The following DNAH9 variants were observed in gnomAD, a reference collection of about 807,000 sequenced individuals.
DNAH9 encodes the protein DNAH9 variant protein.
In DNAH9, 345 loss-of-function variants were observed where a neutral mutation model predicts 471.6. The ratio of observed to expected loss-of-function variants is 0.73; its 90% CI spans 0.67 to 0.80. The LOEUF (loss-of-function observed/expected upper bound fraction) is 0.80, where lower values mean the gene tolerates loss of function less well. Ranked by LOEUF, DNAH9 falls within the 30% of genes least tolerant of loss-of-function variation. The pLI, the probability that DNAH9 is intolerant of heterozygous loss-of-function variation, is 0.00. For synonymous variants in DNAH9, 2,093 were observed against 2,123.6 expected (o/e 0.99, Z 0.40); for missense variants, 5,407 against 5,609.2 (o/e 0.96, Z 1.15).
chr17:11,762,770 G>GTTTTTTTTTTTTTTTTTTTTTTTT lies in DNAH9; in HGVS notation c.6996-666_6996-643dup, dbSNP rs563544881. Among the ~76,000 whole-genome samples, 34 of 90,778 alleles carry GTTTTTTTTTTTTTTTTTTTTTTTT rather than the reference G, an allele frequency of 3.7e-4. 3 individuals are homozygous for GTTTTTTTTTTTTTTTTTTTTTTTT. Among genetic ancestry groups the GTTTTTTTTTTTTTTTTTTTTTTTT allele is most frequent in the Non-Finnish European group, 6.3e-4 (29 of 45,762 alleles). 59.6% of individuals were successfully genotyped at this position (90,778 alleles called of 152,430 possible). A position where few individuals can be genotyped will look rare whatever the true frequency, so the allele number is the denominator to read the frequency against. ...CCTCTTTAGGTGCGTTTTTTTTTTT[G>GTTTTTTTTTTTTTTTTTTTTTTTT]TTTTTTTTTTTTTTTTTTTTTTTTT... On this transcript the variant is annotated intron_variant, in intron 35 of 68. Coordinates refer to ENST00000262442, the MANE Select transcript of DNAH9 (RefSeq NM_001372.4).
intron 59 of DNAH9, 125 bp from the exon 60 acceptor site, chr17:11,902,594 C>A: frequency 1.0e-6 from 1 of 959,744 alleles, no homozygotes. Flanking sequence ...ATCCAAAGCT[C>A]TAGACAAGAG....
intron 17 of DNAH9, among the ~76,000 whole-genome samples, chr17:11,679,288 A>C (rs1345416178): frequency 6.6e-6 from 1 of 152,230 alleles, no homozygotes; most frequent in Non-Finnish European, 1.5e-5. Context: ...ATGCATTGCC[A>C]GCAAACACCT....
chr17:11,700,266 T>TG lies in DNAH9; in HGVS notation c.5025+386dup, dbSNP rs1469093571. Among the ~76,000 whole-genome samples the TG allele has an allele frequency of 2.6e-5, 4 of 152,158 alleles. No individual in the cohort carries two copies. In the East Asian group the frequency reaches 7.7e-4, roughly 29 times the overall value. ...GAATCTGGAACACTGACACCCTCCC[T>TG]GGGAGAAAAATGTCCTTTTGTGGAA... On this transcript the variant is annotated intron_variant, in intron 23 of 68. Coordinates refer to ENST00000262442, the MANE Select transcript of DNAH9 (RefSeq NM_001372.4).
At chr17:11,827,527 A>G (rs1485221251) in intron 48 of DNAH9, among the ~76,000 whole-genome samples, 1 of 152,128 alleles carries the variant, frequency 6.6e-6, no homozygotes, top group Non-Finnish European at 1.5e-5. Context: ...TGCCGAGGGG[A>G]TGGTACTAAG....
chr17:11,837,834 C>A (rs370116309), intron 49 of DNAH9, among the ~76,000 whole-genome samples: 1 of 152,206 alleles, frequency 6.6e-6, no homozygotes, highest in African/African-American at 2.4e-5. Flanking sequence ...CCACGCCAAC[C>A]TTCCTGCTGG....
chr17:11,663,046 C>T (rs890620012), intron 14 of DNAH9, among the ~76,000 whole-genome samples: 29 of 151,398 alleles, frequency 1.9e-4, no homozygotes, highest in Non-Finnish European at 3.8e-4. Context: ...TGAGCCACCG[C>T]GCCCGGCCCG....
chr17:11,611,823 T>C lies in DNAH9; in HGVS notation c.904+43T>C, dbSNP rs552824359. 3.0e-4 allele frequency: 475 copies of C among 1,606,282 alleles called. 8 individuals carry two copies. In the South Asian group the frequency reaches 4.8e-3, roughly 16 times the overall value. Reference sequence around the variant, plus strand: ...TTTTCACAAATGTGTTTGACTCAAGTTACCGTCGAATGATGCATTCACCTC... The same window carrying C: ...TTTTCACAAATGTGTTTGACTCAAGCTACCGTCGAATGATGCATTCACCTC... On this transcript the variant is annotated intron_variant, in intron 4 of 68. Transcript: ENST00000262442.
chr17:11,933,061 A>AATG (rs1974573457), intron 64 of DNAH9, among the ~76,000 whole-genome samples: 1 of 152,194 alleles, frequency 6.6e-6, no homozygotes, highest in Non-Finnish European at 1.5e-5. Flanking sequence ...AAGCCCACTC[A>AATG]ACAGTAATCT....
In DNAH9 at chr17:11,937,897, G is replaced by A. The variant is rs1974766626; in HGVS notation, c.12660+375G>A. ...TGGCAAACCAAGCAAGGATGGGTAAGGGGTTGCCCCTGAGCACCCCCACCT... is the reference window on the plus strand; with the variant it reads ...TGGCAAACCAAGCAAGGATGGGTAAAGGGTTGCCCCTGAGCACCCCCACCT... On this transcript the variant is annotated intron_variant, in intron 66 of 68. Transcript: ENST00000262442. This position sits in a 1 kb window ranked among gnomAD's most constrained non-coding sequence, Gnocchi z 4.1. 1.3e-5 allele frequency among the ~76,000 whole-genome samples: 2 copies of A among 152,208 alleles called. No homozygotes were observed. The highest frequency in any genetic ancestry group is 2.4e-5 in the African/African-American group (1 of 41,456).
intron 24 of DNAH9, among the ~76,000 whole-genome samples, chr17:11,702,680 G>C (rs1003236431): frequency 3.3e-5 from 5 of 152,194 alleles, no homozygotes; most frequent in Admixed American, 2.6e-4. Context: ...ACACTTCTAA[G>C]AGATGAAGCA....
chr17:11,840,824 G>A (rs1340476596), intron 49 of DNAH9, among the ~76,000 whole-genome samples: 1 of 152,086 alleles, frequency 6.6e-6, no homozygotes, highest in Non-Finnish European at 1.5e-5. Context: ...ACAACCTCTG[G>A]AAGCTGAAAA....
chr17:11,954,209 G>T (rs771627817), intron 67 of DNAH9, among the ~76,000 whole-genome samples: 2 of 151,524 alleles, frequency 1.3e-5, no homozygotes, highest in Non-Finnish European at 1.5e-5. Flanking sequence ...CATGTAATTG[G>T]TGTCCCAAAA....
intron 67 of DNAH9, among the ~76,000 whole-genome samples, chr17:11,958,557 T>G (rs1475464352): frequency 6.6e-6 from 1 of 152,054 alleles, no homozygotes. Context: ...AACCCTACGG[T>G]AAACTACGGA....
rs369574112 is a variant in DNAH9, at chr17:11,689,529, G to A, written c.3744-37G>A. 6.1e-4 allele frequency: 962 copies of A among 1,564,680 alleles called. 4 individuals are homozygous for A. The highest frequency in any genetic ancestry group is 5.1e-4 in the Admixed American group (29 of 56,734). ...GAGATGCTAGGAGATGGGCCCCTGC[G>A]TGCCATACTTACAAAGGAACACACT... is the stretch of plus-strand genomic sequence containing the variant. On this transcript the variant is annotated intron_variant, in intron 19 of 68. Coordinates refer to ENST00000262442, the MANE Select transcript of DNAH9 (RefSeq NM_001372.4).
At chr17:11,700,029 T>C in intron 23 of DNAH9, 146 bp downstream of exon 23, 1 of 743,668 alleles carries the variant, frequency 1.3e-6, no homozygotes, top group Non-Finnish European at 2.2e-6. Flanking sequence ...TTCTTTGACT[T>C]GAACTGATGT....
chr17:11,670,521 G>A (rs1191829948), intron 17 of DNAH9, among the ~76,000 whole-genome samples: 1 of 152,092 alleles, frequency 6.6e-6, no homozygotes, highest in East Asian at 1.9e-4. Flanking sequence ...AGGCCAACCT[G>A]ACCCCCTCCT....
At chr17:11,960,462 A>AAAAAAAAAAAAAT (rs1976023361) in intron 67 of DNAH9, among the ~76,000 whole-genome samples, 3 of 142,928 alleles carry the variant, frequency 2.1e-5, no homozygotes, top group Admixed American at 7.0e-5. Flanking sequence ...AAAAAAAAAA[A>AAAAAAAAAAAAAT]TCCAAAAGTG....
chr17:11,779,965 CTT>C (rs1941542925), intron 38 of DNAH9, among the ~76,000 whole-genome samples: 1 of 152,164 alleles, frequency 6.6e-6, no homozygotes. Context: ...TGTTTACAAA[CTT>C]GTTTTTCAAG....
rs191799051 is a variant in DNAH9, at chr17:11,621,243, A to G, written c.1350+1462A>G. Among the ~76,000 whole-genome samples the G allele has an allele frequency of 1.3e-3, 201 of 152,030 alleles. 1 individual carries two copies. The highest frequency in any genetic ancestry group is 4.5e-3 in the African/African-American group (185 of 41,474). Reference sequence around the variant, plus strand: ...GCCAACATGGTGAAATCCCGCCTCTACTAAAAAGACAAAAATTAGCCGGGT... The same window carrying G: ...GCCAACATGGTGAAATCCCGCCTCTGCTAAAAAGACAAAAATTAGCCGGGT... On this transcript the variant is annotated intron_variant, in intron 6 of 68. Transcript: ENST00000262442.
Sources: gnomAD v4.1 joint callset for allele counts (sites outside exome capture counted in the v4.1 genomes callset) on GRCh38, gnomAD v4.1.1 for gene constraint, Gnocchi (gnomAD v3.1) non-coding constraint, MANE v1.5 for transcripts, NCBI Gene and HGNC (gene_info 2026-07-23, HGNC 2026-07-21) for gene names.